Variants in ZFYVE28 observed in about 807,000 individuals in gnomAD.
ZFYVE28 encodes zinc finger FYVE-type containing 28.
Under a neutral mutation model 82.1 loss-of-function variants are expected in ZFYVE28, and 40 were observed. The ratio of observed to expected loss-of-function variants is 0.49; its 90% CI spans 0.38 to 0.63. The LOEUF is 0.63. Ranked by LOEUF, ZFYVE28 falls within the 30% of genes least tolerant of loss-of-function variation. ZFYVE28 has a pLI of 0.00. For missense variants in ZFYVE28, 1,321 were observed against 1,242.1 expected (o/e 1.06, Z -0.96); for synonymous variants, 612 against 546.1 (o/e 1.12, Z -1.68).
intron 1 of ZFYVE28, among the ~76,000 whole-genome samples, chr4:2,390,891 G>A (rs9991677): frequency 0.33 from 50,939 of 152,206 alleles, 9,370 homozygotes; most frequent in East Asian, 0.49. Context: ...GGATGCCCCG[G>A]TTGAGGAATC....
chr4:2,376,876 A>C (rs1728198745), intron 1 of ZFYVE28, among the ~76,000 whole-genome samples: 1 of 152,128 alleles, frequency 6.6e-6, no homozygotes, highest in Non-Finnish European at 1.5e-5. Context: ...CAGTGAGCCA[A>C]GATTGCACCA....
intron 6 of ZFYVE28, chr4:2,330,733 A>G: frequency 6.8e-7 from 1 of 1,470,442 alleles, no homozygotes; most frequent in East Asian, 2.5e-5. Context: ...AACATCATGG[A>G]AAAGGGGACA....
chr4:2,322,206 G>C (rs958192645), intron 6 of ZFYVE28, among the ~76,000 whole-genome samples: 1 of 151,490 alleles, frequency 6.6e-6, no homozygotes, highest in Non-Finnish European at 1.5e-5. Flanking sequence ...GTGGGGGCCA[G>C]AGGTGGGGAG....
At position 2,300,879 on chromosome 4, in the gene ZFYVE28, C is replaced by T. The variant is rs1256226557; in HGVS notation, c.2051+3410G>A. Among the ~76,000 whole-genome samples the T allele has an allele frequency of 6.6e-6, 1 of 152,222 alleles. No individual in the cohort carries two copies. Among genetic ancestry groups the T allele is most frequent in the Admixed American group, 6.5e-5 (1 of 15,284 alleles). Reference sequence around the variant, plus strand: ...GGGCGTCTGCCGGGCGAGCGGGTCTCACGGCCAAACAGGCCCGGGCTCTTC... The same window carrying T: ...GGGCGTCTGCCGGGCGAGCGGGTCTTACGGCCAAACAGGCCCGGGCTCTTC... On this transcript the variant is annotated intron_variant, in intron 8 of 12. Transcript: ENST00000290974. The surrounding 1 kb of genome is among the most constrained non-coding windows in gnomAD (Gnocchi z 4.6).
At chr4:2,283,191 T>C (rs1712189955) in intron 8 of ZFYVE28, among the ~76,000 whole-genome samples, 1 of 144,782 alleles carries the variant, frequency 6.9e-6, no homozygotes, top group Admixed American at 6.8e-5. Context: ...CATCTACCCA[T>C]CCACCAATCC....
intron 2 of ZFYVE28, among the ~76,000 whole-genome samples, chr4:2,347,188 A>T (rs568295172): frequency 4.6e-5 from 7 of 152,336 alleles, no homozygotes; most frequent in African/African-American, 1.7e-4. Flanking sequence ...GGACCAAAAA[A>T]AGTCATTTTA....
rs147733505 is a variant in ZFYVE28, at chr4:2,355,718, T to C, written c.40-1645A>G. ...TCAGCCTCCCAAGTAGCTGAGACTATAGGCACACATCACTATATTCAGCTA... is the reference window on the plus strand; with the variant it reads ...TCAGCCTCCCAAGTAGCTGAGACTACAGGCACACATCACTATATTCAGCTA... On this transcript the variant is annotated intron_variant, in intron 1 of 12. Coordinates refer to ENST00000290974, the MANE Select transcript of ZFYVE28 (RefSeq NM_020972.3). 3.3e-4 allele frequency among the ~76,000 whole-genome samples: 50 copies of C among 152,248 alleles called. No individual in the cohort carries two copies. The South Asian group carries it at 4.8e-3, about 15-fold the overall frequency.
intron 6 of ZFYVE28, among the ~76,000 whole-genome samples, chr4:2,331,455 A>C (rs1195245655): frequency 6.6e-6 from 1 of 152,116 alleles, no homozygotes; most frequent in African/African-American, 2.4e-5. Context: ...CAGCCTGGAC[A>C]ACACAGCAAG....
chr4:2,384,584 T>G (rs1729055029), intron 1 of ZFYVE28, among the ~76,000 whole-genome samples: 2 of 149,596 alleles, frequency 1.3e-5, no homozygotes, highest in African/African-American at 5.0e-5. Flanking sequence ...CCTGAGGGAG[T>G]GCTGGATGGG....
At position 2,338,864 on chromosome 4, in the gene ZFYVE28, G is replaced by A. The variant is rs571347724; in HGVS notation, c.521+589C>T. Among the ~76,000 whole-genome samples the A allele has an allele frequency of 2.9e-4, 44 of 152,212 alleles. 1 individual carries two copies. The highest frequency in any genetic ancestry group is 8.3e-4 in the South Asian group (4 of 4,826). On this transcript the variant is annotated intron_variant, in intron 4 of 12. Coordinates refer to ENST00000290974, the MANE Select transcript of ZFYVE28 (RefSeq NM_020972.3). ...TTTTGAGATGCAGTCTCGCTCTCTC[G>A]CCCAGGCTGGAATGCAGTGGCTGGA...
At position 2,320,246 on chromosome 4, in the gene ZFYVE28, G is replaced by C. The variant is rs982744976; in HGVS notation, c.727C>G (p.Pro243Ala). The C allele has an allele frequency of 6.2e-7, 1 of 1,614,040 alleles. No individual in the cohort carries two copies. The highest frequency in any genetic ancestry group is 8.5e-7 in the Non-Finnish European group (1 of 1,180,012). Residue 243 changes from proline to alanine, a missense_variant, in exon 7 of 13, where the codon CCT (proline) becomes GCT (alanine). Coordinates refer to ENST00000290974, the MANE Select transcript of ZFYVE28 (RefSeq NM_020972.3). This position sits in a 1 kb window ranked among gnomAD's most constrained non-coding sequence, Gnocchi z 5.1. ...TCCACCTTGCGGTCCAAGTTCAGAGGTCCGTCCGCATAGACCACGAGGCCA... is the reference window on the plus strand; with the variant it reads ...TCCACCTTGCGGTCCAAGTTCAGAGCTCCGTCCGCATAGACCACGAGGCCA... ...VCGLVVYADG[P>A]LNLDRKVEDM... is the part of the protein sequence containing the mutation.
rs1715414604 is a variant in ZFYVE28 at position 2,300,915 on chromosome 4, C to G, written c.2051+3374G>C. Among the ~76,000 whole-genome samples, 1 of 152,176 alleles carries G rather than the reference C, an allele frequency of 6.6e-6. No individual in the cohort carries two copies. The highest frequency in any genetic ancestry group is 1.5e-5 in the Non-Finnish European group (1 of 68,024). ...AGGCCCGGGCTCTTCCAGATGCTCT[C>G]AGCTGAGGCAAATACCACCCTCTCC... On this transcript the variant is annotated intron_variant, in intron 8 of 12. Transcript: ENST00000290974. This position sits in a 1 kb window ranked among gnomAD's most constrained non-coding sequence, Gnocchi z 4.6.
chr4:2,407,524 G>A (rs557024265), intron 1 of ZFYVE28, among the ~76,000 whole-genome samples: 3 of 152,048 alleles, frequency 2.0e-5, no homozygotes, highest in South Asian at 2.1e-4. Flanking sequence ...ATTCTCAGCC[G>A]TGAGCAGAAA....
Position 2,339,600 on chromosome 4 carries a change from C to T in ZFYVE28, c.374G>A (p.Arg125His), listed in dbSNP as rs1427943499. 3.1e-6 allele frequency: 5 copies of T among 1,611,378 alleles called. No homozygotes were observed. The highest frequency in any genetic ancestry group is 3.3e-5 in the Admixed American group (2 of 59,728). ...MNRELESMAMRPLAKELTRSL... is the reference protein window; with the variant it reads ...MNRELESMAMHPLAKELTRSL... The stretch of plus-strand genomic sequence containing the variant: ...GCGCGTCAGCTCCTTGGCCAGCGGG[C>T]GCATGGCCATGCTCTCCAGCTCCCG... The change falls in exon 4 of 13, where the codon CGC becomes CAC. Residue 125 changes from arginine (R) to histidine (H), a missense_variant. By Grantham distance (29) the Arg-to-His change is conservative (BLOSUM62 0). Around this residue, in one of 2 missense-constraint regions of ZFYVE28, gnomAD observed 343 missense variants for 408.4 expected, o/e 0.84. Coordinates refer to ENST00000290974, the MANE Select transcript of ZFYVE28 (RefSeq NM_020972.3). This position sits in a 1 kb window ranked among gnomAD's most constrained non-coding sequence, Gnocchi z 5.0.
In ZFYVE28 at chr4:2,304,262, C is replaced by T. The variant is rs373157859; in HGVS notation, c.2051+27G>A. On this transcript the variant is annotated intron_variant, in intron 8 of 12. Coordinates refer to ENST00000290974, the MANE Select transcript of ZFYVE28 (RefSeq NM_020972.3). ...CCCCCCAGTGCAGAGAGGACAAACC[C>T]AGTCTCTGGGCCAGACTGGCTCTTA... is the stretch of plus-strand genomic sequence containing the variant. 9.1e-5 allele frequency: 140 copies of T among 1,531,612 alleles called. No homozygotes were observed. The African/African-American group carries it at 1.8e-3, about 20-fold the overall frequency. 94.9% of individuals were successfully genotyped at this position (1,531,612 alleles called of 1,614,324 possible). A position where few individuals can be genotyped will look rare whatever the true frequency, so the allele number is the denominator to read the frequency against.
chr4:2,374,845 T>G (rs1038041842), intron 1 of ZFYVE28, among the ~76,000 whole-genome samples: 2 of 152,186 alleles, frequency 1.3e-5, no homozygotes, highest in African/African-American at 4.8e-5. Context: ...TTAGGACATA[T>G]CTTTGTACCC....
chr4:2,388,073 A>G (rs3135095), intron 1 of ZFYVE28, among the ~76,000 whole-genome samples: 103,895 of 152,132 alleles, frequency 0.68, 35,613 homozygotes, highest in East Asian at 0.78. Context: ...TGAGCAGATA[A>G]TGAGCTCCCA....
At position 2,320,084 on chromosome 4, in the gene ZFYVE28, AGGC is replaced by A. The variant is rs1373464214; in HGVS notation, c.803+83_803+85del. ...CCTCACAGAGAGGAGGAGGACCTGG[AGGC>A]GGCGGCTAAACATGACTTCAGCGCC... On this transcript the variant is annotated intron_variant, in intron 7 of 12. Coordinates refer to ENST00000290974, the MANE Select transcript of ZFYVE28 (RefSeq NM_020972.3). This position sits in a 1 kb window ranked among gnomAD's most constrained non-coding sequence, Gnocchi z 5.1. 8.0e-7 allele frequency: 1 copy of A among 1,257,378 alleles called. No homozygotes were observed. Among genetic ancestry groups the A allele is most frequent in the East Asian group, 2.4e-5 (1 of 41,462 alleles). The allele number at this position is 1,257,378 out of a possible 1,614,324, so 77.9% of individuals were successfully genotyped here.
At chr4:2,305,856 A>G (rs1222174557) in intron 7 of ZFYVE28, among the ~76,000 whole-genome samples, 1 of 152,210 alleles carries the variant, frequency 6.6e-6, no homozygotes, top group Non-Finnish European at 1.5e-5. Flanking sequence ...CATGAATAAA[A>G]ACTCTAAGGA....
Sources: allele counts gnomAD v4.1 joint callset (sites outside exome capture counted in the v4.1 genomes callset), GRCh38; gene constraint gnomAD v4.1.1; regional missense constraint gnomAD v4.1.1; non-coding constraint Gnocchi (gnomAD v3.1); transcripts MANE v1.5; gene names NCBI Gene and HGNC (gene_info 2026-07-23, HGNC 2026-07-21).